Variants in USP22 observed in about 807,000 individuals in gnomAD.
USP22 encodes the protein ubiquitin carboxyl-terminal hydrolase 22.
Under a neutral mutation model 68.1 loss-of-function variants are expected in USP22, and 22 were observed. The observed-to-expected ratio is 0.32, with a 90% confidence interval of 0.23 to 0.46. The LOEUF (loss-of-function observed/expected upper bound fraction) is 0.46. USP22 is among the 20% of genes least tolerant of loss of function. The pLI is 1.00. For missense variants in USP22, 433 were observed against 695.8 expected, an observed-to-expected ratio of 0.62 and a Z score of 4.25; for synonymous variants, 279 against 274.2, an observed-to-expected ratio of 1.02 and a Z score of -0.17.
At chr17:21,007,029 TC>T in intron 9 of USP22, 42 bp from the exon 10 acceptor site, 1 of 1,517,854 alleles carries the variant, frequency 6.6e-7, no homozygotes, top group Non-Finnish European at 8.9e-7. Flanking sequence ...GGAAAGAAGA[TC>T]AGAAATGTCA....
Position 21,042,923 on chromosome 17 carries a change from GC to G in USP22, c.-89del. On this transcript the variant is annotated 5_prime_UTR_variant, in exon 1 of 13. Transcript: ENST00000261497. ...CGGCGTGGGGGCTGCTCGGCGGCTG[GC>G]CAGGCTGGCCAAGGCCCGGGCGCCG... is the stretch of plus-strand genomic sequence containing the variant. The G allele has an allele frequency of 1.1e-6, 1 of 920,468 alleles. No individual in the cohort carries two copies. The highest frequency in any genetic ancestry group is 1.4e-6 in the Non-Finnish European group (1 of 714,608). The allele number at this position is 920,468 out of a possible 1,614,324, so 57.0% of individuals were successfully genotyped here.
chr17:21,037,373 C>G (rs1266208039), intron 1 of USP22, among the ~76,000 whole-genome samples: 2 of 152,044 alleles, frequency 1.3e-5, no homozygotes, highest in African/African-American at 4.8e-5. Context: ...AAGAGTCACT[C>G]CACAGTGGAG....
intron 1 of USP22, among the ~76,000 whole-genome samples, chr17:21,038,983 G>A (rs750396789): frequency 6.6e-6 from 1 of 151,816 alleles, no homozygotes; most frequent in Non-Finnish European, 1.5e-5. Flanking sequence ...AGACGGTCTC[G>A]CTCTGTCGCC....
chr17:21,012,783 C>G (rs532806699), intron 7 of USP22, 47 bp downstream of exon 7: 1 of 1,537,990 alleles, frequency 6.5e-7, no homozygotes, highest in Non-Finnish European at 9.0e-7. Flanking sequence ...GATGTCAGTA[C>G]GGCCCCAGAG....
In USP22 at chr17:21,002,957, G is replaced by A. The variant is rs1393860745; in HGVS notation, c.*74C>T. The A allele has an allele frequency of 4.4e-6, 7 of 1,574,578 alleles. No homozygotes were observed. The highest frequency in any genetic ancestry group is 2.3e-4 in the Middle Eastern group (1 of 4,412). On this transcript the variant is annotated 3_prime_UTR_variant, in exon 13 of 13. Transcript: ENST00000261497. ...AGGCGGCGGGAGACTTGGGGGAGGGGGGGGCCAGGGAGGATCACTTTGTGA... is the reference window on the plus strand; with the variant it reads ...AGGCGGCGGGAGACTTGGGGGAGGGAGGGGCCAGGGAGGATCACTTTGTGA...
intron 12 of USP22, 30 bp downstream of exon 12, chr17:21,004,172 A>T (rs2143507154): frequency 6.2e-7 from 1 of 1,609,928 alleles, no homozygotes; most frequent in Non-Finnish European, 8.5e-7. Flanking sequence ...TAGCCACCGT[A>T]GGGCCTTCCT....
chr17:21,033,770 G>A (rs543490871), intron 1 of USP22, among the ~76,000 whole-genome samples: 19 of 146,390 alleles, frequency 1.3e-4, no homozygotes, highest in African/African-American at 4.3e-4. Flanking sequence ...TTTTTTTTGA[G>A]AAGGAGTCTT....
At chr17:21,009,549 A>C (rs375810073) in intron 8 of USP22, among the ~76,000 whole-genome samples, 1 of 152,142 alleles carries the variant, frequency 6.6e-6, no homozygotes, top group African/African-American at 2.4e-5. Flanking sequence ...CTTCCCACAC[A>C]TTGTAGTTTG....
At chr17:21,020,976 A>G in intron 3 of USP22, 137 bp downstream of exon 3, 1 of 671,166 alleles carries the variant, frequency 1.5e-6, no homozygotes, top group Non-Finnish European at 2.7e-6. Context: ...TGTGGGCCTT[A>G]GGGGAAGGTG....
At position 21,037,374 on chromosome 17, in the gene USP22, C is replaced by T. The variant is rs558052791; in HGVS notation, c.171+5291G>A. 2.0e-5 allele frequency among the ~76,000 whole-genome samples: 3 copies of T among 152,098 alleles called. No homozygotes were observed. In the East Asian group the frequency reaches 5.8e-4, roughly 29 times the overall value. ...ACATAAAGGAGGGAAAGAGTCACTC[C>T]ACAGTGGAGAAACCTGGCAAACATG... is the stretch of plus-strand genomic sequence containing the variant. On this transcript the variant is annotated intron_variant, in intron 1 of 12. Transcript: ENST00000261497.
intron 1 of USP22, among the ~76,000 whole-genome samples, chr17:21,041,888 G>C (rs1449747086): frequency 1.3e-5 from 2 of 152,162 alleles, no homozygotes; most frequent in African/African-American, 4.8e-5. Flanking sequence ...CACAGCCCAC[G>C]GCGCGCTTCC....
intron 1 of USP22, among the ~76,000 whole-genome samples, chr17:21,034,406 T>C (rs1972329349): frequency 6.6e-6 from 1 of 152,138 alleles, no homozygotes; most frequent in Admixed American, 6.5e-5. Context: ...ACGTATGAAA[T>C]ATAAAATATC....
intron 8 of USP22, 135 bp from the exon 9 acceptor site, chr17:21,008,131 C>G: frequency 8.9e-7 from 1 of 1,125,200 alleles, no homozygotes. Flanking sequence ...AAAAATGAAA[C>G]AATGAAAAAA....
chr17:21,032,240 T>C (rs1972299815), intron 1 of USP22, among the ~76,000 whole-genome samples: 2 of 152,244 alleles, frequency 1.3e-5, no homozygotes, highest in Non-Finnish European at 1.5e-5. Flanking sequence ...CATCTAGCTT[T>C]GTGTTAAGTC....
chr17:21,018,194 C>T (rs1047308867), intron 4 of USP22, 83 bp from the exon 5 acceptor site: 18 of 1,323,378 alleles, frequency 1.4e-5, no homozygotes, highest in Non-Finnish European at 1.7e-5. Context: ...TCCTCTACCT[C>T]TACATACTCA....
chr17:21,042,526 G>A (rs1972452094), intron 1 of USP22, 139 bp downstream of exon 1: 2 of 798,976 alleles, frequency 2.5e-6, no homozygotes, highest in Non-Finnish European at 3.4e-6. Context: ...AGAAGAGAGG[G>A]CAGAAGGAGA....
chr17:21,004,820 G>T, intron 11 of USP22, 108 bp downstream of exon 11: 14 of 1,242,772 alleles, frequency 1.1e-5, no homozygotes, highest in Non-Finnish European at 1.4e-5. Flanking sequence ...CAAGCGGGAA[G>T]CAGGTCAGTG....
intron 1 of USP22, among the ~76,000 whole-genome samples, chr17:21,032,678 G>A (rs1471724467): frequency 6.6e-6 from 1 of 152,102 alleles, no homozygotes; most frequent in East Asian, 1.9e-4. Context: ...GTTGGCTCAC[G>A]CCAGGAATGC....
chr17:21,021,311 G>T, intron 2 of USP22, 85 bp from the exon 3 acceptor site: 1 of 855,486 alleles, frequency 1.2e-6, no homozygotes, highest in African/African-American at 1.6e-5. Context: ...ACACAGTGAG[G>T]TTCTGTAGAT....
Sources: gnomAD v4.1 joint callset for allele counts (sites outside exome capture counted in the v4.1 genomes callset) on GRCh38, gnomAD v4.1.1 for gene constraint, MANE v1.5 for transcripts, NCBI Gene and HGNC (gene_info 2026-07-23, HGNC 2026-07-21) for gene names.